Variants in AIG1 observed in about 807,000 individuals in gnomAD.
The protein encoded by AIG1 is androgen induced 1, also known as androgen-induced gene 1 protein.
In AIG1, 23 loss-of-function variants were observed where a neutral mutation model predicts 31.4. The ratio of observed to expected loss-of-function variants is 0.73; its 90% CI spans 0.53 to 1.04. AIG1 has a LOEUF of 1.04. Ranked by LOEUF, AIG1 falls within the 50% of genes least tolerant of loss-of-function variation. The pLI is 0.00. For missense variants in AIG1, 274 were observed against 295.0 expected (o/e 0.93, Z 0.52); for synonymous variants, 100 against 110.5 (o/e 0.90, Z 0.60).
At chr6:143,200,919 C>G (rs999439239) in intron 3 of AIG1, among the ~76,000 whole-genome samples, 3 of 119,898 alleles carry the variant, frequency 2.5e-5, no homozygotes, top group Non-Finnish European at 5.0e-5. Context: ...GAGTTCTAAA[C>G]CTACCGAGTA....
intron 1 of AIG1, among the ~76,000 whole-genome samples, chr6:143,116,282 G>A (rs1351239670): frequency 6.6e-6 from 1 of 152,152 alleles, no homozygotes; most frequent in Non-Finnish European, 1.5e-5. Context: ...TGGGCTTTCA[G>A]TCAGAAGACC....
chr6:143,272,551 T>C (rs1398202756), intron 3 of AIG1, among the ~76,000 whole-genome samples: 1 of 152,226 alleles, frequency 6.6e-6, no homozygotes, highest in African/African-American at 2.4e-5. Flanking sequence ...GACTAGAGCT[T>C]ACTGTGGCCC....
At chr6:143,301,994 T>G (rs1798857288) in intron 4 of AIG1, among the ~76,000 whole-genome samples, 1 of 114,670 alleles carries the variant, frequency 8.7e-6, no homozygotes, top group Admixed American at 8.6e-5. Flanking sequence ...TATTCCAGGT[T>G]AATAACCCTC....
intron 3 of AIG1, among the ~76,000 whole-genome samples, chr6:143,248,067 T>C (rs6932032): frequency 0.12 from 17,673 of 152,146 alleles, 2,518 homozygotes; most frequent in African/African-American, 0.34. Flanking sequence ...CAAAAGTACT[T>C]GTTTGTGGTC....
chr6:143,171,423 ATATATATAATATATATATAATATATAT>A (rs1562453844), intron 3 of AIG1, among the ~76,000 whole-genome samples: 7 of 105,198 alleles, frequency 6.7e-5, no homozygotes, highest in Admixed American at 1.2e-4. Flanking sequence ...TATATATATA[ATATATATAATATATATATAATATATAT>A]ATTTAATATA....
Position 143,333,156 on chromosome 6 carries a change from C to A in AIG1, c.516-126C>A. 1.1e-6 allele frequency: 1 copy of A among 945,950 alleles called. No individual in the cohort carries two copies. The highest frequency in any genetic ancestry group is 1.5e-6 in the Non-Finnish European group (1 of 672,008). The allele number at this position is 945,950 out of a possible 1,614,324, so 58.6% of individuals were successfully genotyped here. The stretch of plus-strand genomic sequence containing the variant: ...TCCAGTAGCTCCTGAGTATCAGAAG[C>A]GAACTTGAGACTGGCAAATGCTGAA... On this transcript the variant is annotated intron_variant, in intron 4 of 5. Coordinates refer to ENST00000357847, the MANE Select transcript of AIG1 (RefSeq NM_016108.4). This position sits in a 1 kb window ranked among gnomAD's most constrained non-coding sequence, Gnocchi z 4.6.
intron 4 of AIG1, among the ~76,000 whole-genome samples, chr6:143,314,073 G>A (rs1487875124): frequency 6.6e-6 from 1 of 151,006 alleles, no homozygotes; most frequent in African/African-American, 2.4e-5. Context: ...ACTGGGCTGG[G>A]CACAGTGGTT....
At chr6:143,337,082 GT>G (rs1269015859) in intron 5 of AIG1, among the ~76,000 whole-genome samples, 2 of 152,210 alleles carry the variant, frequency 1.3e-5, no homozygotes, top group Non-Finnish European at 2.9e-5. Context: ...CAGGCACAGG[GT>G]CACAGGAGCC....
Position 143,284,112 on chromosome 6 carries a change from C to T in AIG1, c.402C>T (p.His134=), listed in dbSNP as rs773799531. The T allele has an allele frequency of 6.2e-7, 1 of 1,611,732 alleles. No homozygotes were observed. The highest frequency in any genetic ancestry group is 8.5e-7 in the Non-Finnish European group (1 of 1,178,026). ...FIPGWLNHGM[H]TTVLPFILIE... The stretch of plus-strand genomic sequence containing the variant: ...ACCTAGTCTCTGTTATTTTCCAGCA[C>T]ACGACGGTTCTGCCCTTTATATTAA... Residue 134 remains histidine, a splice_region_variant and synonymous_variant, in exon 4 of 6, where the codon CAC becomes CAT. Transcript: ENST00000357847. This position sits in a 1 kb window ranked among gnomAD's most constrained non-coding sequence, Gnocchi z 4.4.
At chr6:143,311,453 A>G (rs1775265992) in intron 4 of AIG1, among the ~76,000 whole-genome samples, 1 of 151,962 alleles carries the variant, frequency 6.6e-6, no homozygotes, top group Admixed American at 6.6e-5. Context: ...ATTTAAAATA[A>G]TTATTCACCA....
At chr6:143,154,738 A>G (rs1433678327) in intron 2 of AIG1, among the ~76,000 whole-genome samples, 2 of 151,890 alleles carry the variant, frequency 1.3e-5, no homozygotes, top group Non-Finnish European at 2.9e-5. Flanking sequence ...TACCATGGCT[A>G]TGTAAGATGA....
intron 3 of AIG1, among the ~76,000 whole-genome samples, chr6:143,278,914 A>G (rs961539498): frequency 6.6e-6 from 1 of 152,066 alleles, no homozygotes; most frequent in African/African-American, 2.4e-5. Context: ...ATGACAAATG[A>G]TATTCCATTT....
chr6:143,257,341 AAAAC>A (rs1466440618), intron 3 of AIG1, among the ~76,000 whole-genome samples: 3 of 152,316 alleles, frequency 2.0e-5, no homozygotes, highest in African/African-American at 7.2e-5. Context: ...AAAAAAAACA[AAAAC>A]AAAACAAAAA....
intron 3 of AIG1, among the ~76,000 whole-genome samples, chr6:143,251,332 G>T (rs566493732): frequency 1.3e-5 from 2 of 152,168 alleles, no homozygotes; most frequent in African/African-American, 4.8e-5. Context: ...GATTACAGGA[G>T]TGAGCCACCG....
At chr6:143,261,041 A>G (rs985302380) in intron 3 of AIG1, among the ~76,000 whole-genome samples, 3 of 152,172 alleles carry the variant, frequency 2.0e-5, no homozygotes, top group Admixed American at 6.5e-5. Context: ...TCAAACCCAC[A>G]AGCAAACAGC....
chr6:143,203,084 G>A (rs575557540), intron 3 of AIG1, among the ~76,000 whole-genome samples: 1 of 152,162 alleles, frequency 6.6e-6, no homozygotes, highest in South Asian at 2.1e-4. Flanking sequence ...GATACATATG[G>A]GCCTTCTTAG....
rs146740994 is a variant in AIG1 at position 143,272,041 on chromosome 6, G to A, written c.400-12069G>A. Among the ~76,000 whole-genome samples, 634 of 152,040 alleles carry A rather than the reference G, an allele frequency of 4.2e-3. 3 individuals are homozygous for A. Among genetic ancestry groups the A allele is most frequent in the African/African-American group, 0.015 (604 of 41,474 alleles). On this transcript the variant is annotated intron_variant, in intron 3 of 5. Coordinates refer to ENST00000357847, the MANE Select transcript of AIG1 (RefSeq NM_016108.4). ...CCCTAAAGTACTTCCAATGCATCAG[G>A]GTCACCTTCCCTTACGGTAATTATA...
At chr6:143,212,065 T>C (rs2128616644) in intron 3 of AIG1, among the ~76,000 whole-genome samples, 1 of 152,262 alleles carries the variant, frequency 6.6e-6, no homozygotes, top group African/African-American at 2.4e-5. Flanking sequence ...GTTCTGTGCA[T>C]TGTAGAATGT....
chr6:143,176,183 C>T (rs1285668799), intron 3 of AIG1, among the ~76,000 whole-genome samples: 3 of 152,176 alleles, frequency 2.0e-5, no homozygotes, highest in African/African-American at 7.2e-5. Flanking sequence ...AGCCGTGGAT[C>T]CCAGCACCTG....
Sources: allele counts gnomAD v4.1 joint callset (sites outside exome capture counted in the v4.1 genomes callset), GRCh38; gene constraint gnomAD v4.1.1; non-coding constraint Gnocchi (gnomAD v3.1); transcripts MANE v1.5; gene names NCBI Gene and HGNC (gene_info 2026-07-23, HGNC 2026-07-21).